WDR64: variants seen among roughly 807,000 people sequenced by gnomAD.
WDR64 encodes the protein WD repeat domain 64.
Under a neutral mutation model 139.3 loss-of-function variants are expected in WDR64, and 112 were observed. The observed-to-expected ratio is 0.80, with a 90% CI of 0.69 to 0.94. The LOEUF (loss-of-function observed/expected upper bound fraction) is 0.94. Among genes scored for constraint, WDR64 ranks in the 40% least tolerant of loss-of-function variants. The pLI, the probability that WDR64 is intolerant of heterozygous loss-of-function variation, is 0.00. For synonymous variants in WDR64, 444 were observed against 437.7 expected (o/e 1.01, Z -0.18); for missense variants, 1,206 against 1,293.1 (o/e 0.93, Z 1.03).
At chr1:241,736,101 G>A (rs79745819) in intron 10 of WDR64, among the ~76,000 whole-genome samples, 24,535 of 151,994 alleles carry the variant, frequency 0.16, 2,352 homozygotes, top group East Asian at 0.28. Context: ...CTGAATTGGA[G>A]GACATGCTGC....
intron 27 of WDR64, 30 bp downstream of exon 27, chr1:241,796,400 C>G (rs759060265): frequency 1.4e-6 from 2 of 1,403,290 alleles, no homozygotes; most frequent in Non-Finnish European, 2.0e-6. Flanking sequence ...ACCGTTAACT[C>G]CAATTTCAGT....
intron 4 of WDR64, among the ~76,000 whole-genome samples, chr1:241,677,645 G>A (rs1450889015): frequency 6.6e-6 from 1 of 152,112 alleles, no homozygotes; most frequent in East Asian, 1.9e-4. Flanking sequence ...GTTCTTAACT[G>A]GTATAGTACC....
chr1:241,715,098 A>G (rs993834248), intron 9 of WDR64, among the ~76,000 whole-genome samples: 3 of 152,218 alleles, frequency 2.0e-5, no homozygotes, highest in African/African-American at 7.2e-5. Context: ...GACATGAAGA[A>G]AAGAAAGGAA....
At chr1:241,712,592 C>T (rs181050308) in intron 9 of WDR64, among the ~76,000 whole-genome samples, 6 of 152,182 alleles carry the variant, frequency 3.9e-5, no homozygotes, top group African/African-American at 1.2e-4. Flanking sequence ...CTCTCACTTG[C>T]GAGCTGTGTG....
chr1:241,655,700 C>CTT (rs1553359547), intron 1 of WDR64, among the ~76,000 whole-genome samples: 2 of 42,114 alleles, frequency 4.7e-5, no homozygotes, highest in African/African-American at 8.7e-5. Context: ...GCCTTTTTTT[C>CTT]TTTTCTTTTT....
At chr1:241,757,552 C>T (rs573296984) in intron 15 of WDR64, 93 bp downstream of exon 15, 52 of 1,185,452 alleles carry the variant, frequency 4.4e-5, no homozygotes, top group Admixed American at 4.1e-4. Flanking sequence ...ATACAAAGAG[C>T]TTCTATGTGT....
intron 8 of WDR64, among the ~76,000 whole-genome samples, chr1:241,709,565 G>A (rs1668083628): frequency 6.6e-6 from 1 of 152,068 alleles, no homozygotes; most frequent in Admixed American, 6.6e-5. Flanking sequence ...AGTGAGCTAT[G>A]GTCATGCCAT....
chr1:241,735,364 G>A (rs1008593236), intron 10 of WDR64, among the ~76,000 whole-genome samples: 33 of 152,054 alleles, frequency 2.2e-4, no homozygotes, highest in African/African-American at 7.7e-4. Flanking sequence ...TTGGTTGAAC[G>A]GAAGTTTTTA....
chr1:241,709,737 T>C (rs1357322951), intron 8 of WDR64, among the ~76,000 whole-genome samples: 1 of 152,220 alleles, frequency 6.6e-6, no homozygotes, highest in East Asian at 1.9e-4. Flanking sequence ...TTCAAAATTA[T>C]AAATACACAT....
At chr1:241,734,292 G>A (rs552073082) in intron 10 of WDR64, among the ~76,000 whole-genome samples, 1 of 152,100 alleles carries the variant, frequency 6.6e-6, no homozygotes, top group East Asian at 1.9e-4. Context: ...ATAAAACCAA[G>A]CTGTGCCCCG....
intron 4 of WDR64, among the ~76,000 whole-genome samples, chr1:241,677,000 G>A (rs771468225): frequency 6.6e-6 from 1 of 152,090 alleles, no homozygotes. Flanking sequence ...GGTCACAGGA[G>A]TAATTTATTC....
chr1:241,784,953 G>GGATAAAAAAAAAAAAA (rs766802128), intron 23 of WDR64, among the ~76,000 whole-genome samples: 6 of 62,246 alleles, frequency 9.6e-5, no homozygotes, highest in Non-Finnish European at 1.8e-4. Context: ...GACTCTGTCT[G>GGATAAAAAAAAAAAAA]AAAAAAAAAA....
chr1:241,768,098 C>A (rs1220417358), intron 16 of WDR64, among the ~76,000 whole-genome samples: 2 of 152,156 alleles, frequency 1.3e-5, no homozygotes, highest in Non-Finnish European at 2.9e-5. Context: ...GGGCAACACC[C>A]GTGATAATAA....
chr1:241,687,304 TAAA>T (rs11433746), intron 7 of WDR64, among the ~76,000 whole-genome samples, 154 bp from the exon 8 acceptor site: 51 of 126,474 alleles, frequency 4.0e-4, no homozygotes, highest in South Asian at 1.0e-3. Flanking sequence ...AGACTCCATC[TAAA>T]AAAAAAAAAA....
At position 241,769,880 on chromosome 1, in the gene WDR64, T is replaced by C. The variant is rs542844537; in HGVS notation, c.2183+375T>C. Among the ~76,000 whole-genome samples, 3 of 152,354 alleles carry C rather than the reference T, an allele frequency of 2.0e-5. No individual in the cohort carries two copies. In the East Asian group the frequency reaches 5.8e-4, roughly 29 times the overall value. The stretch of plus-strand genomic sequence containing the variant: ...GAAGGAAGGACTTGCAAGGCAAGTA[T>C]GGAAGGTCATATGGCAGGAGGTTTC... On this transcript the variant is annotated intron_variant, in intron 17 of 27. Transcript: ENST00000437684.
chr1:241,773,815 CTTTTAAATT>C (rs1658552419), intron 20 of WDR64, among the ~76,000 whole-genome samples: 3 of 152,138 alleles, frequency 2.0e-5, no homozygotes, highest in South Asian at 4.1e-4. Flanking sequence ...TCAAATCTTT[CTTTTAAATT>C]GAGCTACAAA....
intron 10 of WDR64, among the ~76,000 whole-genome samples, chr1:241,724,397 T>C (rs1022107046): frequency 1.4e-5 from 2 of 147,046 alleles, no homozygotes; most frequent in African/African-American, 2.7e-5. Context: ...AACAGAGCAA[T>C]AGTCAATGCA....
At position 241,699,463 on chromosome 1, in the gene WDR64, A is replaced by T. The variant is rs1012432969; in HGVS notation, c.974+11868A>T. Reference sequence around the variant, plus strand: ...AATAAGACTAGGTTGTCGACCTCATATGTAATGAAGGAGAAAACAAATGAA... The same window carrying T: ...AATAAGACTAGGTTGTCGACCTCATTTGTAATGAAGGAGAAAACAAATGAA... On this transcript the variant is annotated intron_variant, in intron 8 of 27. Transcript: ENST00000437684. Among the ~76,000 whole-genome samples, 36 of 152,212 alleles carry T rather than the reference A, an allele frequency of 2.4e-4. 1 individual carries two copies. Among genetic ancestry groups the T allele is most frequent in the Admixed American group, 3.9e-4 (6 of 15,270 alleles).
chr1:241,794,299 AATT>A (rs1659293874), intron 25 of WDR64, among the ~76,000 whole-genome samples: 1 of 152,126 alleles, frequency 6.6e-6, no homozygotes, highest in Non-Finnish European at 1.5e-5. Flanking sequence ...ACAGATACTC[AATT>A]TTGTTGAATA....
Sources: gnomAD v4.1 joint callset for allele counts (sites outside exome capture counted in the v4.1 genomes callset) on GRCh38, gnomAD v4.1.1 for gene constraint, MANE v1.5 for transcripts, NCBI Gene and HGNC (gene_info 2026-07-23, HGNC 2026-07-21) for gene names.